The following GLT8D2 variants were observed in gnomAD, a reference collection of about 807,000 sequenced individuals.
The protein encoded by GLT8D2 is glycosyltransferase 8 domain containing 2.
A neutral mutation model predicts 44.5 loss-of-function variants in GLT8D2; 45 were observed. The observed-to-expected ratio is 1.01, with a 90% CI of 0.80 to 1.30. The LOEUF (loss-of-function observed/expected upper bound fraction) is 1.30. GLT8D2 is among the 50% of genes most tolerant of loss of function. GLT8D2 has a pLI of 0.00. For missense variants in GLT8D2, 400 were observed against 430.4 expected (o/e 0.93, Z 0.62); for synonymous variants, 156 against 157.2 (o/e 0.99, Z 0.06).
chr12:104,063,326 A>T (rs2136574235), intron 1 of GLT8D2, among the ~76,000 whole-genome samples: 1 of 152,208 alleles, frequency 6.6e-6, no homozygotes, highest in East Asian at 1.9e-4. Flanking sequence ...GTGCAGTTTT[A>T]TTCCTAATGG....
chr12:104,063,503 G>T (rs1039277563), intron 1 of GLT8D2, among the ~76,000 whole-genome samples: 1 of 152,076 alleles, frequency 6.6e-6, no homozygotes, highest in Admixed American at 6.5e-5. Flanking sequence ...CTCTGATCGC[G>T]CCACTGCATT....
chr12:104,034,384 A>T (rs1879698366), intron 1 of GLT8D2, among the ~76,000 whole-genome samples: 1 of 152,236 alleles, frequency 6.6e-6, no homozygotes, highest in Non-Finnish European at 1.5e-5. Context: ...TCCCTTTCCT[A>T]GCCAAGGGAA....
chr12:104,062,683 C>T (rs773295407), intron 1 of GLT8D2, among the ~76,000 whole-genome samples: 6 of 151,996 alleles, frequency 3.9e-5, no homozygotes, highest in Non-Finnish European at 7.4e-5. Flanking sequence ...CCATCTTGAC[C>T]GAGCTGGTCT....
chr12:104,030,810 A>T lies in GLT8D2; in HGVS notation c.-163-9319T>A, dbSNP rs1007075886. 9 of 1,605,926 alleles carry T rather than the reference A, an allele frequency of 5.6e-6. No individual in the cohort carries two copies. The African/African-American group carries it at 1.2e-4, about 22-fold the overall frequency. On this transcript the variant is annotated intron_variant, in intron 1 of 10. Transcript: ENST00000360814. The stretch of plus-strand genomic sequence containing the variant: ...GCCTACAAACTGGTGCTGATCCGGC[A>T]CGGCGAGAGCGCATGGAACCTGGAG...
At chr12:104,016,533 T>A (rs1034014225) in intron 3 of GLT8D2, among the ~76,000 whole-genome samples, 1 of 150,760 alleles carries the variant, frequency 6.6e-6, no homozygotes, top group African/African-American at 2.4e-5. Context: ...ATTCAGGAGG[T>A]TGAGGCAAGA....
intron 1 of GLT8D2, among the ~76,000 whole-genome samples, chr12:104,032,785 A>G (rs1446681933): frequency 6.6e-6 from 1 of 152,074 alleles, no homozygotes; most frequent in African/African-American, 2.4e-5. Flanking sequence ...TAGAGCTACC[A>G]TATGATGCAG....
intron 1 of GLT8D2, among the ~76,000 whole-genome samples, chr12:104,024,168 G>A (rs868275972): frequency 6.6e-6 from 1 of 152,090 alleles, no homozygotes; most frequent in African/African-American, 2.4e-5. Flanking sequence ...GACCACTTGA[G>A]CTCAGGAGTT....
chr12:103,993,490 C>T lies in GLT8D2; in HGVS notation c.782G>A (p.Ser261Asn). Residue 261 changes from serine (S) to asparagine (N), a missense_variant, in exon 10 of 11, where the codon AGC becomes AAC. Physicochemically the swap from Ser to Asn is conservative, Grantham distance 46. Coordinates refer to ENST00000360814, the MANE Select transcript of GLT8D2 (RefSeq NM_001384711.1). ...MQKNVEENLYSSSLGGGVATS... is the reference protein window; with the variant it reads ...MQKNVEENLYNSSLGGGVATS... The stretch of plus-strand genomic sequence containing the variant: ...GGCCACCCCTCCTCCCAGGGAGCTG[C>T]TATAGAGGTTTTCCCTAAGAAATGA... 6.3e-7 allele frequency: 1 copy of T among 1,580,768 alleles called. No homozygotes were observed. The highest frequency in any genetic ancestry group is 8.6e-7 in the Non-Finnish European group (1 of 1,165,932).
chr12:103,996,889 G>T, intron 7 of GLT8D2, 42 bp from the exon 8 acceptor site: 1 of 1,435,816 alleles, frequency 7.0e-7, no homozygotes, highest in South Asian at 1.2e-5. Flanking sequence ...TATAGCATTT[G>T]TTTTTGGGCT....
At chr12:103,994,211 T>C in intron 9 of GLT8D2, 124 bp downstream of exon 9, 1 of 836,166 alleles carries the variant, frequency 1.2e-6, no homozygotes, top group Non-Finnish European at 1.8e-6. Context: ...TAACATTGCC[T>C]CTGTAAGAAA....
chr12:103,989,248 C>G lies in GLT8D2; in HGVS notation c.*160G>C. ...TGTACTTAAAGAAGTTAATCAATGC[C>G]TATATGGTCCAAGGTATAATTTGCA... is the stretch of plus-strand genomic sequence containing the variant. On this transcript the variant is annotated 3_prime_UTR_variant, in exon 11 of 11. Coordinates refer to ENST00000360814, the MANE Select transcript of GLT8D2 (RefSeq NM_001384711.1). The G allele has an allele frequency of 1.9e-6, 1 of 518,798 alleles. No homozygotes were observed. 32.1% of individuals were successfully genotyped at this position (518,798 alleles called of 1,614,324 possible). A position where few individuals can be genotyped will look rare whatever the true frequency, so the allele number is the denominator to read the frequency against.
chr12:104,035,946 G>A (rs1460741147), intron 1 of GLT8D2, among the ~76,000 whole-genome samples: 3 of 152,188 alleles, frequency 2.0e-5, no homozygotes, highest in South Asian at 2.1e-4. Context: ...ACAAAGGGAA[G>A]CCCATCAGAC....
At chr12:104,005,655 G>T (rs1270987199) in intron 4 of GLT8D2, among the ~76,000 whole-genome samples, 1 of 152,208 alleles carries the variant, frequency 6.6e-6, no homozygotes, top group African/African-American at 2.4e-5. Flanking sequence ...CTGGCCATCA[G>T]AGAAATGCAA....
In GLT8D2 at chr12:104,038,297, C is replaced by A. The variant is rs1195827499; in HGVS notation, c.-164+11598G>T. Among the ~76,000 whole-genome samples, 4 of 152,100 alleles carry A rather than the reference C, an allele frequency of 2.6e-5. No individual in the cohort carries two copies. The East Asian group carries it at 7.7e-4, about 29-fold the overall frequency. On this transcript the variant is annotated intron_variant, in intron 1 of 10. Coordinates refer to ENST00000360814, the MANE Select transcript of GLT8D2 (RefSeq NM_001384711.1). ...ATAGTGTTGGAAGTTCTGGCCAGGG[C>A]AATCAGGCAGGAGAAAGAAATAAAG...
intron 9 of GLT8D2, chr12:103,993,761 A>C (rs1437100044): frequency 2.8e-6 from 1 of 362,754 alleles, no homozygotes; most frequent in African/African-American, 2.1e-5. Flanking sequence ...GGTTTTAAAT[A>C]GTAGACACAG....
intron 6 of GLT8D2, among the ~76,000 whole-genome samples, chr12:103,998,973 T>C (rs539418759): frequency 4.6e-5 from 7 of 152,344 alleles, no homozygotes; most frequent in Middle Eastern, 3.4e-3. Context: ...GTCAATACTA[T>C]GAAGTATATA....
At chr12:104,019,131 T>TG (rs886894853) in intron 3 of GLT8D2, among the ~76,000 whole-genome samples, 8 of 149,466 alleles carry the variant, frequency 5.4e-5, no homozygotes, top group Non-Finnish European at 8.9e-5. Flanking sequence ...TTTTTTTTTT[T>TG]TTTTTTGTGT....
At position 104,019,644 on chromosome 12, in the gene GLT8D2, GC is replaced by G. The variant is rs767976045; in HGVS notation, c.4del (p.Ala2LeufsTer14). The G allele has an allele frequency of 1.2e-6, 2 of 1,610,038 alleles. No individual in the cohort carries two copies. The highest frequency in any genetic ancestry group is 2.2e-5 in the South Asian group (2 of 90,532). On this transcript the variant is annotated frameshift_variant, in exon 3 of 11. Coordinates refer to ENST00000360814, the MANE Select transcript of GLT8D2 (RefSeq NM_001384711.1). LOFTEE classifies it high-confidence loss of function. ...TGAAATCTTACTTTTTCGTAACAGA[GC>G]CATGTGTATTCACGCGGATAAGAAC... M[A>X]LLRKINQVLL...
rs566253660 is a variant in GLT8D2 at position 104,006,314 on chromosome 12, C to T, written c.113-3008G>A. Among the ~76,000 whole-genome samples the T allele has an allele frequency of 6.6e-5, 10 of 152,096 alleles. No homozygotes were observed. In the South Asian group the frequency reaches 1.0e-3, roughly 16 times the overall value. The stretch of plus-strand genomic sequence containing the variant: ...ATGTGTACAGCACACCAACATGGCA[C>T]GTGTATACATATGTAACAAACCTGC... On this transcript the variant is annotated intron_variant, in intron 4 of 10. Transcript: ENST00000360814.
Sources: gnomAD v4.1 joint callset for allele counts (sites outside exome capture counted in the v4.1 genomes callset) on GRCh38, gnomAD v4.1.1 for gene constraint, MANE v1.5 for transcripts, NCBI Gene and HGNC (gene_info 2026-07-23, HGNC 2026-07-21) for gene names.